MAP3K9: variants seen among roughly 807,000 people sequenced by gnomAD.
MAP3K9 encodes the protein mitogen-activated protein kinase kinase kinase 9, also known as mixed lineage kinase 1 (tyr and ser/thr specificity).
MAP3K9 carries 46 observed loss-of-function variants against 95.8 expected under a neutral mutation model. The observed-to-expected ratio is 0.48, with a 90% confidence interval of 0.38 to 0.61. The LOEUF (loss-of-function observed/expected upper bound fraction) is 0.61, where lower values mean the gene tolerates loss of function less well. MAP3K9 is among the 20% of genes least tolerant of loss of function. MAP3K9 has a pLI of 0.00. For missense variants in MAP3K9, 1,296 were observed against 1,474.3 expected, an observed-to-expected ratio of 0.88 and a Z score of 1.98; for synonymous variants, 533 against 593.8, an observed-to-expected ratio of 0.90 and a Z score of 1.49.
intron 1 of MAP3K9, among the ~76,000 whole-genome samples, chr14:70,808,083 A>C (rs1245880579): frequency 6.6e-6 from 1 of 152,220 alleles, no homozygotes; most frequent in Non-Finnish European, 1.5e-5. Flanking sequence ...GGAACGACAT[A>C]CTTTTTCCTC....
At position 70,742,519 on chromosome 14, in the gene MAP3K9, G is replaced by A. The variant is rs773256562; in HGVS notation, c.1399C>T (p.Arg467Cys). ...QQKNQEELLR[R>C]REQELAEREI... ...CGCTCGGCCAGCTCCTGCTCCCGAC[G>A]CCGCAGCAGTTCCTCCTGGTTCTTC... Residue 467 changes from arginine (R) to cysteine (C), a missense_variant, in exon 6 of 12, where the codon CGT (arginine) becomes TGT (cysteine). By Grantham distance (180) the Arg-to-Cys change is radical (BLOSUM62 -3). Around this residue, in one of 5 missense-constraint regions of MAP3K9, gnomAD observed 377 missense variants for 417.1 expected, o/e 0.90. Coordinates refer to ENST00000554752, the MANE Select transcript of MAP3K9 (RefSeq NM_001284230.2). The A allele has an allele frequency of 5.0e-6, 8 of 1,614,190 alleles. No homozygotes were observed. Among genetic ancestry groups the A allele is most frequent in the Non-Finnish European group, 6.8e-6 (8 of 1,180,028 alleles).
In MAP3K9 at chr14:70,761,162, C is replaced by T; in HGVS notation, c.841G>A (p.Glu281Lys). Residue 281 changes from glutamate (E) to lysine (K), a missense_variant, in exon 3 of 12, where the codon GAG becomes AAG. This residue lies in a region of MAP3K9 where 136 missense variants were observed against 221.5 expected (regional missense o/e 0.61). Coordinates refer to ENST00000554752, the MANE Select transcript of MAP3K9 (RefSeq NM_001284230.2). ...ATCTTGTTGCTCAGGTCTCCATTCT[C>T]CACCTTCTGGAGGATCAATACTAGG... ...SSNILILQKV[E>K]NGDLSNKILK... The T allele has an allele frequency of 6.2e-7, 1 of 1,613,674 alleles. No homozygotes were observed.
At chr14:70,775,941 C>T (rs557598462) in intron 2 of MAP3K9, among the ~76,000 whole-genome samples, 2 of 152,158 alleles carry the variant, frequency 1.3e-5, no homozygotes, top group South Asian at 4.2e-4. Flanking sequence ...GTAATCCGAG[C>T]ACTTTGGGAG....
At chr14:70,798,773 C>T (rs542094401) in intron 2 of MAP3K9, among the ~76,000 whole-genome samples, 30 of 152,034 alleles carry the variant, frequency 2.0e-4, no homozygotes, top group African/African-American at 6.3e-4. Context: ...CCACCGCGCC[C>T]GGCCCAAAAG....
intron 2 of MAP3K9, among the ~76,000 whole-genome samples, chr14:70,767,081 C>A (rs1367745794): frequency 6.6e-6 from 1 of 152,116 alleles, no homozygotes; most frequent in Non-Finnish European, 1.5e-5. Context: ...CAGGACCAGG[C>A]TCTTTGAAAG....
At chr14:70,785,350 C>G (rs1283520496) in intron 2 of MAP3K9, among the ~76,000 whole-genome samples, 1 of 152,196 alleles carries the variant, frequency 6.6e-6, no homozygotes, top group Non-Finnish European at 1.5e-5. Flanking sequence ...GGATAGAACC[C>G]TGTATATACT....
At chr14:70,795,880 C>T (rs923617620) in intron 2 of MAP3K9, among the ~76,000 whole-genome samples, 9 of 151,902 alleles carry the variant, frequency 5.9e-5, no homozygotes, top group Admixed American at 1.3e-4. Context: ...CTCAGCCTCC[C>T]GAGTAGCTGG....
chr14:70,733,737 G>T (rs779035511), intron 10 of MAP3K9: 1 of 718,506 alleles, frequency 1.4e-6, no homozygotes, highest in East Asian at 2.7e-5. Flanking sequence ...GAGTCAGGGG[G>T]CAGGGAGAGG....
chr14:70,773,771 G>A (rs564420596), intron 2 of MAP3K9, among the ~76,000 whole-genome samples: 8 of 152,340 alleles, frequency 5.3e-5, no homozygotes, highest in Admixed American at 2.0e-4. Context: ...TGGCAGAGCT[G>A]TGAACGAGAA....
chr14:70,798,496 T>TTTTTTTTA, intron 2 of MAP3K9, among the ~76,000 whole-genome samples: 2 of 141,464 alleles, frequency 1.4e-5, no homozygotes, highest in African/African-American at 5.3e-5. Context: ...TTTTTTTTTT[T>TTTTTTTTA]GAGACGGAGT....
At chr14:70,775,252 T>G (rs933266844) in intron 2 of MAP3K9, among the ~76,000 whole-genome samples, 7 of 152,266 alleles carry the variant, frequency 4.6e-5, no homozygotes, top group Non-Finnish European at 8.8e-5. Flanking sequence ...CATTACCTCA[T>G]GCAGTTTTCA....
At chr14:70,747,543 G>A (rs1454236343) in intron 5 of MAP3K9, among the ~76,000 whole-genome samples, 2 of 152,134 alleles carry the variant, frequency 1.3e-5, no homozygotes, top group Admixed American at 6.5e-5. Flanking sequence ...ATATTACAAC[G>A]AATATCGGTT....
chr14:70,754,574 C>A (rs897113425), intron 3 of MAP3K9, among the ~76,000 whole-genome samples: 2 of 152,148 alleles, frequency 1.3e-5, no homozygotes, highest in African/African-American at 4.8e-5. Flanking sequence ...CGGGTTCACA[C>A]CATTCTCCCG....
chr14:70,746,681 T>C (rs1249502621), intron 5 of MAP3K9, among the ~76,000 whole-genome samples: 1 of 152,258 alleles, frequency 6.6e-6, no homozygotes, highest in African/African-American at 2.4e-5. Context: ...AGACAATTAT[T>C]ATCTCATTAA....
chr14:70,754,543 C>T (rs796128340), intron 3 of MAP3K9, among the ~76,000 whole-genome samples: 5 of 152,292 alleles, frequency 3.3e-5, no homozygotes, highest in African/African-American at 1.2e-4. Context: ...GCGATCTCAG[C>T]TCACTGCAAG....
At chr14:70,751,172 A>G (rs761541947) in intron 3 of MAP3K9, among the ~76,000 whole-genome samples, 3 of 152,192 alleles carry the variant, frequency 2.0e-5, no homozygotes, top group Non-Finnish European at 1.5e-5. Context: ...CCACATAAAG[A>G]ATTTCTTTTC....
chr14:70,751,758 T>G (rs1436384610), intron 3 of MAP3K9, among the ~76,000 whole-genome samples: 1 of 152,146 alleles, frequency 6.6e-6, no homozygotes, highest in Non-Finnish European at 1.5e-5. Flanking sequence ...TAGCTATTTA[T>G]CATGAAACCT....
chr14:70,794,094 G>C (rs1457146724), intron 2 of MAP3K9, among the ~76,000 whole-genome samples: 1 of 152,210 alleles, frequency 6.6e-6, no homozygotes, highest in African/African-American at 2.4e-5. Flanking sequence ...ACTGCGGAAG[G>C]GTTGGACAGG....
At chr14:70,795,474 A>C (rs2139849929) in intron 2 of MAP3K9, among the ~76,000 whole-genome samples, 1 of 149,500 alleles carries the variant, frequency 6.7e-6, no homozygotes, top group South Asian at 2.1e-4. Context: ...ACACCCAGCT[A>C]GATTTTATTG....
Sources: allele counts gnomAD v4.1 joint callset (sites outside exome capture counted in the v4.1 genomes callset), GRCh38; gene constraint gnomAD v4.1.1; regional missense constraint gnomAD v4.1.1; transcripts MANE v1.5; gene names NCBI Gene and HGNC (gene_info 2026-07-23, HGNC 2026-07-21).